Variants in PHKA1 observed in about 807,000 individuals in gnomAD.
The protein encoded by PHKA1 is phosphorylase kinase regulatory subunit alpha 1.
PHKA1 carries 60 observed loss-of-function variants against 110.2 expected under a neutral mutation model. The observed-to-expected ratio is 0.54, with a 90% CI of 0.44 to 0.68. The LOEUF is 0.68. Ranked by LOEUF, PHKA1 falls within the 30% of genes least tolerant of loss-of-function variation. The probability of loss-of-function intolerance (pLI) is 0.00; values close to 1 mark genes in which losing one functional copy is unlikely to be tolerated. For synonymous variants in PHKA1, 316 were observed against 333.6 expected, an observed-to-expected ratio of 0.95 and a Z score of 0.58; for missense variants, 801 against 942.5, an observed-to-expected ratio of 0.85 and a Z score of 1.97.
rs111530904 is a variant in PHKA1 at position 72,652,488 on chromosome X, T to C, written c.1245+56A>G. ...TTTAATGAGCTACTTAAAAATCTGATTATTATGGTGACTTAAGGCAGAAAA... is the reference window on the plus strand; with the variant it reads ...TTTAATGAGCTACTTAAAAATCTGACTATTATGGTGACTTAAGGCAGAAAA... On this transcript the variant is annotated intron_variant, in intron 12 of 31. Coordinates refer to ENST00000373542, the MANE Select transcript of PHKA1 (RefSeq NM_002637.4). 6.4e-4 allele frequency: 426 copies of C among 666,184 alleles called. No individual in the cohort carries two copies. The African/African-American group carries it at 8.3e-3, about 13-fold the overall frequency. 54.9% of individuals were successfully genotyped at this position (666,184 alleles called of 1,213,427 possible).
intron 26 of PHKA1, 69 bp from the exon 27 acceptor site, chrX:72,602,342 T>TA (rs1391151975): frequency 7.2e-5 from 46 of 641,160 alleles, no homozygotes; most frequent in Admixed American, 1.3e-4. Flanking sequence ...CCATCACATT[T>TA]AAAAAAAACT....
intron 17 of PHKA1, among the ~76,000 whole-genome samples, chrX:72,625,002 TTTGA>T (rs1187887924): frequency 5.3e-5 from 6 of 112,530 alleles, no homozygotes; most frequent in South Asian, 3.7e-4. Context: ...ACATGTGATC[TTTGA>T]TTGGATCCTG....
intron 13 of PHKA1, among the ~76,000 whole-genome samples, chrX:72,647,688 T>C (rs782692005): frequency 1.8e-5 from 2 of 110,753 alleles, no homozygotes; most frequent in South Asian, 3.9e-4. Flanking sequence ...GATCATCTTC[T>C]GAGAGTGAGG....
intron 29 of PHKA1, among the ~76,000 whole-genome samples, chrX:72,591,587 C>T (rs914865651): frequency 5.4e-5 from 6 of 111,157 alleles, no homozygotes; most frequent in African/African-American, 2.0e-4. Context: ...AAAACCTTTA[C>T]AGAATTTAAA....
rs2052321350 is a variant in PHKA1 at position 72,580,505 on chromosome X, T to G, written c.*497A>C. On this transcript the variant is annotated 3_prime_UTR_variant, in exon 32 of 32. Coordinates refer to ENST00000373542, the MANE Select transcript of PHKA1 (RefSeq NM_002637.4). Reference sequence around the variant, plus strand: ...TTTTCCTAAGAAAAGGCACGTAGAATAGGTAATTCTAATTTATAGCAGCAT... The same window carrying G: ...TTTTCCTAAGAAAAGGCACGTAGAAGAGGTAATTCTAATTTATAGCAGCAT... 8.1e-6 allele frequency: 1 copy of G among 123,594 alleles called. No homozygotes were observed. The highest frequency in any genetic ancestry group is 1.7e-5 in the Non-Finnish European group (1 of 60,423). The allele number at this position is 123,594 out of a possible 1,213,427, so 10.2% of individuals were successfully genotyped here. A position where few individuals can be genotyped will look rare whatever the true frequency, so the allele number is the denominator to read the frequency against.
At chrX:72,603,080 CA>C in intron 26 of PHKA1, 38 bp downstream of exon 26, 1 of 926,223 alleles carries the variant, frequency 1.1e-6, no homozygotes, top group Non-Finnish European at 1.6e-6. Flanking sequence ...ACACTTAAAC[CA>C]AACAGTATGA....
chrX:72,589,556 T>C (rs1169311449), intron 29 of PHKA1, among the ~76,000 whole-genome samples: 1 of 111,385 alleles, frequency 9.0e-6, no homozygotes, highest in African/African-American at 3.3e-5. Flanking sequence ...CTATTCAACA[T>C]AGTGTTGGAA....
Position 72,619,210 on chromosome X carries a change from T to G in PHKA1, c.2229+4A>C. 8.8e-7 allele frequency: 1 copy of G among 1,140,785 alleles called. No individual in the cohort carries two copies. The highest frequency in any genetic ancestry group is 2.2e-5 in the Admixed American group (1 of 45,901). 94.0% of individuals were successfully genotyped at this position (1,140,785 alleles called of 1,213,427 possible). A position where few individuals can be genotyped will look rare whatever the true frequency, so the allele number is the denominator to read the frequency against. On this transcript the variant is annotated splice_donor_region_variant and intron_variant, in intron 20 of 31. Coordinates refer to ENST00000373542, the MANE Select transcript of PHKA1 (RefSeq NM_002637.4). ...TAATAGAAATACCTCCTGCACAAAT[T>G]TACCTGGTTCTCCTGTCGGGGATGA...
At chrX:72,693,106 C>A (rs1473896614) in intron 4 of PHKA1, among the ~76,000 whole-genome samples, 2 of 110,864 alleles carry the variant, frequency 1.8e-5, no homozygotes, top group Non-Finnish European at 3.8e-5. Context: ...GCTTAATTTC[C>A]ATATATTTGT....
chrX:72,655,207 G>C (rs1245766937), intron 10 of PHKA1, among the ~76,000 whole-genome samples: 1 of 112,408 alleles, frequency 8.9e-6, no homozygotes, highest in African/African-American at 3.2e-5. Context: ...CCAGGAGTTT[G>C]AGACCAGCCT....
intron 21 of PHKA1, among the ~76,000 whole-genome samples, chrX:72,614,283 G>A (rs1451944355): frequency 4.7e-5 from 5 of 106,779 alleles, no homozygotes; most frequent in Admixed American, 1.1e-4. Flanking sequence ...TGACATCAAC[G>A]TGAAAGAGAG....
chrX:72,602,332 C>T (rs2052668702), intron 26 of PHKA1, 59 bp from the exon 27 acceptor site: 4 of 712,917 alleles, frequency 5.6e-6, no homozygotes, highest in Non-Finnish European at 6.7e-6. Flanking sequence ...AATTTCTTCC[C>T]CATCACATTT....
intron 3 of PHKA1, chrX:72,697,226 T>C (rs2054133817): frequency 9.0e-6 from 1 of 111,530 alleles, no homozygotes; most frequent in African/African-American, 3.3e-5. Context: ...GATTCTGTCT[T>C]GAAAATTCTT....
chrX:72,584,469 G>A (rs946208976), intron 29 of PHKA1, among the ~76,000 whole-genome samples, 167 bp from the exon 30 acceptor site: 9 of 111,913 alleles, frequency 8.0e-5, no homozygotes, highest in Middle Eastern at 4.6e-3. Context: ...CCCTTGCCAT[G>A]GAGTTGTGAT....
chrX:72,681,610 G>A (rs1240995378), intron 5 of PHKA1, among the ~76,000 whole-genome samples: 16 of 80,573 alleles, frequency 2.0e-4, no homozygotes, highest in African/African-American at 4.7e-4. Context: ...CTGCCCGGCC[G>A]CCCCTACTGG....
chrX:72,583,378 A>G (rs2052364625), intron 30 of PHKA1, among the ~76,000 whole-genome samples: 1 of 111,808 alleles, frequency 8.9e-6, no homozygotes, highest in Non-Finnish European at 1.9e-5. Context: ...ATGTTTGAAG[A>G]CTCTTAAAGG....
At position 72,626,956 on chromosome X, in the gene PHKA1, A is replaced by G. The variant is rs1282181292; in HGVS notation, c.1793+15T>C. On this transcript the variant is annotated intron_variant, in intron 17 of 31. Transcript: ENST00000373542. Reference sequence around the variant, plus strand: ...TTCATTTCATTTCACTAAAGAGTGTATAGAGGTCACTTACCTTGCCCCACC... The same window carrying G: ...TTCATTTCATTTCACTAAAGAGTGTGTAGAGGTCACTTACCTTGCCCCACC... The G allele has an allele frequency of 1.7e-6, 2 of 1,160,334 alleles. No individual in the cohort carries two copies. The highest frequency in any genetic ancestry group is 1.8e-5 in the African/African-American group (1 of 56,215).
At chrX:72,682,932 AT>A (rs1162469177) in intron 5 of PHKA1, among the ~76,000 whole-genome samples, 1 of 72,056 alleles carries the variant, frequency 1.4e-5, no homozygotes, top group African/African-American at 5.7e-5. Flanking sequence ...AAAAAAATAA[AT>A]TAAAAAAAAA....
chrX:72,706,060 CT>C (rs1450879765), intron 2 of PHKA1, among the ~76,000 whole-genome samples: 13 of 112,092 alleles, frequency 1.2e-4, no homozygotes, highest in Non-Finnish European at 1.9e-4. Context: ...CAGGACACCT[CT>C]GAAAACTAAT....
Sources: allele counts gnomAD v4.1 joint callset (sites outside exome capture counted in the v4.1 genomes callset), GRCh38; gene constraint gnomAD v4.1.1; transcripts MANE v1.5; gene names NCBI Gene and HGNC (gene_info 2026-07-23, HGNC 2026-07-21).